CSTPP1: variants seen among roughly 807,000 people sequenced by gnomAD.
CSTPP1 encodes UPF0705 protein C11orf49.
chr11:46,942,142 G>A, the CSTPP1 span, among the ~76,000 whole-genome samples: 3 of 152,200 alleles, frequency 2.0e-5, no homozygotes, highest in Admixed American at 2.0e-4. Flanking sequence ...ATAGCTTAGT[G>A]ATGTTCATGT....
At chr11:47,102,486 C>CAA in the CSTPP1 span, among the ~76,000 whole-genome samples, 1 of 127,048 alleles carries the variant, frequency 7.9e-6, no homozygotes, top group Non-Finnish European at 1.7e-5. Flanking sequence ...CTTTGGGAGG[C>CAA]AAAAAAAAAA....
At chr11:47,066,065 C>A in the CSTPP1 span, among the ~76,000 whole-genome samples, 5 of 123,776 alleles carry the variant, frequency 4.0e-5, no homozygotes, top group East Asian at 3.0e-4. Flanking sequence ...TATTTTATTT[C>A]TTTCTTTCTA....
the CSTPP1 span, among the ~76,000 whole-genome samples, chr11:47,061,466 C>T: frequency 6.6e-6 from 1 of 152,268 alleles, no homozygotes; most frequent in Non-Finnish European, 1.5e-5. Context: ...TTGAACTTCA[C>T]TTGATTTTGC....
the CSTPP1 span, among the ~76,000 whole-genome samples, chr11:46,963,641 C>T: frequency 6.6e-6 from 1 of 151,912 alleles, no homozygotes; most frequent in Non-Finnish European, 1.5e-5. Flanking sequence ...AAAAAATTAG[C>T]TGGGTGTGGT....
At chr11:47,112,247 T>C in the CSTPP1 span, among the ~76,000 whole-genome samples, 1 of 152,316 alleles carries the variant, frequency 6.6e-6, no homozygotes, top group Admixed American at 6.5e-5. Context: ...TGCTGTATTC[T>C]CTTTTTTTCC....
At chr11:47,086,234 C>CGA in the CSTPP1 span, among the ~76,000 whole-genome samples, 1 of 89,434 alleles carries the variant, frequency 1.1e-5, no homozygotes, top group Non-Finnish European at 2.0e-5. Context: ...ACTAAAAATC[C>CGA]AAAAAAAAAA....
chr11:47,080,568 T>A, the CSTPP1 span, among the ~76,000 whole-genome samples: 1 of 152,160 alleles, frequency 6.6e-6, no homozygotes, highest in African/African-American at 2.4e-5. Context: ...GCATAAAAAT[T>A]TTAAAAGAGA....
the CSTPP1 span, among the ~76,000 whole-genome samples, chr11:46,992,139 T>C: frequency 1.3e-4 from 20 of 152,312 alleles, no homozygotes; most frequent in African/African-American, 4.6e-4. Flanking sequence ...GCAGTATCTA[T>C]ATTTTAAGTT....
At chr11:46,966,004 C>T in the CSTPP1 span, among the ~76,000 whole-genome samples, 11 of 152,096 alleles carry the variant, frequency 7.2e-5, no homozygotes, top group Middle Eastern at 3.2e-3. Flanking sequence ...CAAAAGATCA[C>T]GTTCATTAAT....
chr11:46,944,460 C>A, the CSTPP1 span, among the ~76,000 whole-genome samples: 2 of 152,216 alleles, frequency 1.3e-5, no homozygotes, highest in South Asian at 4.1e-4. Flanking sequence ...CTGGTGGCAA[C>A]CAGGAATGTG....
the CSTPP1 span, among the ~76,000 whole-genome samples, chr11:47,136,883 AG>A: frequency 6.6e-6 from 1 of 152,188 alleles, no homozygotes; most frequent in Non-Finnish European, 1.5e-5. Flanking sequence ...AAATAACTTA[AG>A]CATCAGTGTA....
chr11:47,069,138 A>C, the CSTPP1 span, among the ~76,000 whole-genome samples: 2 of 152,210 alleles, frequency 1.3e-5, no homozygotes, highest in African/African-American at 4.8e-5. Flanking sequence ...GAAACTTCTA[A>C]GTGCCTCTGC....
At chr11:47,068,209 A>T in the CSTPP1 span, among the ~76,000 whole-genome samples, 18 of 152,182 alleles carry the variant, frequency 1.2e-4, no homozygotes, top group Admixed American at 2.0e-4. Flanking sequence ...AATATTTTTT[A>T]AAATGTAAAT....
At chr11:47,119,167 A>T in the CSTPP1 span, among the ~76,000 whole-genome samples, 2 of 152,232 alleles carry the variant, frequency 1.3e-5, no homozygotes, top group African/African-American at 4.8e-5. Flanking sequence ...CCAAAGGCAG[A>T]TGCCCCTCCC....
chr11:47,110,212 A>G, the CSTPP1 span, among the ~76,000 whole-genome samples: 160 of 152,360 alleles, frequency 1.1e-3, 1 homozygote, highest in Non-Finnish European at 2.0e-3. Flanking sequence ...TGTAAGTACC[A>G]TGAAAATAGG....
At chr11:47,124,972 C>T in the CSTPP1 span, among the ~76,000 whole-genome samples, 1 of 152,078 alleles carries the variant, frequency 6.6e-6, no homozygotes, top group Non-Finnish European at 1.5e-5. Flanking sequence ...GATCCTTTAC[C>T]AGGAAACCAT....
the CSTPP1 span, among the ~76,000 whole-genome samples, chr11:46,981,260 TAA>T: frequency 1.4e-5 from 2 of 141,942 alleles, no homozygotes; most frequent in African/African-American, 5.2e-5. Context: ...CATTGTTGAT[TAA>T]AAAAAAAAAA....
the CSTPP1 span, among the ~76,000 whole-genome samples, chr11:47,147,922 C>T: frequency 6.6e-6 from 1 of 152,162 alleles, no homozygotes; most frequent in Non-Finnish European, 1.5e-5. Context: ...TTATCATCAT[C>T]ATCATATTGT....
the CSTPP1 span, among the ~76,000 whole-genome samples, chr11:46,995,791 G>T: frequency 6.6e-6 from 1 of 152,172 alleles, no homozygotes; most frequent in South Asian, 2.1e-4. Flanking sequence ...TGTCTACTAG[G>T]TCTGCTTGGT....
Sources: gnomAD v4.1 joint callset for allele counts (sites outside exome capture counted in the v4.1 genomes callset) on GRCh38, gnomAD v4.1.1 for gene constraint, MANE v1.5 for transcripts, NCBI Gene and HGNC (gene_info 2026-07-23, HGNC 2026-07-21) for gene names.